Variants in MRPS6 observed in about 807,000 individuals in gnomAD.
MRPS6 encodes the protein small ribosomal subunit protein bS6m.
MRPS6 carries 6 observed loss-of-function variants against 13.1 expected under a neutral mutation model. That is an observed-to-expected ratio of 0.46 (90% CI 0.25 to 0.91). The LOEUF is 0.91. Among genes scored for constraint, MRPS6 ranks in the 40% least tolerant of loss-of-function variants. MRPS6 has a pLI of 0.18. For synonymous variants in MRPS6, 61 were observed against 56.5 expected (o/e 1.08, Z -0.36); for missense variants, 164 against 155.6 (o/e 1.05, Z -0.29).
At chr21:34,103,828 A>C in intron 1 of MRPS6, 1 of 1,000,194 alleles carries the variant, frequency 1.0e-6, no homozygotes, top group Non-Finnish European at 1.2e-6. Context: ...AAGAATGCCA[A>C]AATTATATTT....
intron 1 of MRPS6, among the ~76,000 whole-genome samples, chr21:34,114,630 T>C (rs1979832031): frequency 6.6e-6 from 1 of 152,188 alleles, no homozygotes; most frequent in Admixed American, 6.5e-5. Context: ...ATTTCTGCCC[T>C]TTTCCTTTGA....
At chr21:34,107,063 C>G (rs1341226543) in intron 1 of MRPS6, among the ~76,000 whole-genome samples, 2 of 152,152 alleles carry the variant, frequency 1.3e-5, no homozygotes, top group African/African-American at 4.8e-5. Context: ...TCTTGGGTAA[C>G]TGGGATTACA....
chr21:34,104,506 T>A (rs1602940350), intron 1 of MRPS6: 3 of 998,352 alleles, frequency 3.0e-6, no homozygotes, highest in African/African-American at 3.5e-5. Context: ...TTTATATAAT[T>A]ATCCTTTTAG....
At chr21:34,132,572 T>A (rs538988899) in intron 2 of MRPS6, among the ~76,000 whole-genome samples, 1 of 152,266 alleles carries the variant, frequency 6.6e-6, no homozygotes, top group East Asian at 1.9e-4. Context: ...TTTCCAGGTC[T>A]TTAACTAGGT....
At chr21:34,130,107 A>C (rs1980449635) in intron 2 of MRPS6, among the ~76,000 whole-genome samples, 1 of 149,190 alleles carries the variant, frequency 6.7e-6, no homozygotes, top group African/African-American at 2.4e-5. Context: ...AAGCCCTCCC[A>C]TCCCCCTCCC....
chr21:34,128,208 A>G (rs908551575), intron 2 of MRPS6, among the ~76,000 whole-genome samples: 2 of 152,176 alleles, frequency 1.3e-5, no homozygotes, highest in African/African-American at 4.8e-5. Flanking sequence ...TGGCTGCATA[A>G]TGCTAACCTA....
In MRPS6 at chr21:34,076,123, G is replaced by GT. The variant is rs563818048; in HGVS notation, c.45+2380dup. On this transcript the variant is annotated intron_variant, in intron 1 of 2. Coordinates refer to ENST00000399312, the MANE Select transcript of MRPS6 (RefSeq NM_032476.4). ...ATCTTGGAATTGAGGAAAATGCTGTGTTAGGCAACTTTAACAGCGGATATG... is the reference window on the plus strand; with the variant it reads ...ATCTTGGAATTGAGGAAAATGCTGTGTTTAGGCAACTTTAACAGCGGATATG... Among the ~76,000 whole-genome samples, 4 of 152,262 alleles carry GT rather than the reference G, an allele frequency of 2.6e-5. No individual in the cohort carries two copies. In the South Asian group the frequency reaches 8.3e-4, roughly 32 times the overall value.
intron 1 of MRPS6, among the ~76,000 whole-genome samples, chr21:34,119,632 A>G (rs1467334441): frequency 2.0e-5 from 3 of 152,054 alleles, no homozygotes; most frequent in Non-Finnish European, 4.4e-5. Context: ...TGTGGATTCT[A>G]TGTGTGCTTT....
intron 2 of MRPS6, among the ~76,000 whole-genome samples, chr21:34,132,503 G>A (rs1174450628): frequency 1.3e-5 from 2 of 152,272 alleles, no homozygotes; most frequent in Non-Finnish European, 2.9e-5. Flanking sequence ...GTGAAGGCAA[G>A]AGAGGGGTTT....
chr21:34,095,002 T>G, intron 1 of MRPS6: 1 of 625,322 alleles, frequency 1.6e-6, no homozygotes. Flanking sequence ...AGCGGAAAAT[T>G]TAAACTGTCT....
At chr21:34,138,120 C>T (rs1980772447) in intron 2 of MRPS6, among the ~76,000 whole-genome samples, 1 of 149,848 alleles carries the variant, frequency 6.7e-6, no homozygotes. Flanking sequence ...TGAGATGTGT[C>T]TTCCTTTTTT....
intron 2 of MRPS6, chr21:34,135,655 G>T: frequency 2.6e-6 from 1 of 380,756 alleles, no homozygotes; most frequent in Non-Finnish European, 5.2e-6. Flanking sequence ...CACAGTCCCT[G>T]CTCACCCAAA....
At chr21:34,084,959 A>G (rs1989538311) in intron 1 of MRPS6, among the ~76,000 whole-genome samples, 1 of 152,194 alleles carries the variant, frequency 6.6e-6, no homozygotes, top group South Asian at 2.1e-4. Flanking sequence ...AGTTGCAGAC[A>G]TCTTGACATA....
chr21:34,125,476 G>A lies in MRPS6; in HGVS notation c.181G>A (p.Gly61Ser), dbSNP rs976748513. 1 of 1,613,128 alleles carries A rather than the reference G, an allele frequency of 6.2e-7. No homozygotes were observed. The highest frequency in any genetic ancestry group is 1.3e-5 in the African/African-American group (1 of 74,812). The part of the protein sequence containing the change: ...ISAHSQQHNR[G>S]GYFLVDFYAP... ...TGCCCACAGTCAGCAGCACAACAGA[G>A]GCGGGTAAGTTTCTTCATGAAGTCT... is the stretch of plus-strand genomic sequence containing the variant. The change falls in exon 2 of 3, where the codon GGC becomes AGC. Residue 61 changes from glycine to serine, a missense_variant. Coordinates refer to ENST00000399312, the MANE Select transcript of MRPS6 (RefSeq NM_032476.4).
chr21:34,082,917 G>A (rs1989491880), intron 1 of MRPS6, among the ~76,000 whole-genome samples: 1 of 152,112 alleles, frequency 6.6e-6, no homozygotes. Flanking sequence ...TCCACTTTGG[G>A]CATACCTCAG....
intron 2 of MRPS6, among the ~76,000 whole-genome samples, chr21:34,135,274 A>T (rs1171772895): frequency 6.6e-6 from 1 of 150,724 alleles, no homozygotes; most frequent in Non-Finnish European, 1.5e-5. Flanking sequence ...TAGCAGTGGA[A>T]TGGCTAGATC....
chr21:34,095,352 G>C, intron 1 of MRPS6: 2 of 1,614,130 alleles, frequency 1.2e-6, no homozygotes, highest in South Asian at 1.1e-5. Flanking sequence ...GGTAGCAATT[G>C]GTGCCTCTCT....
intron 1 of MRPS6, chr21:34,099,550 C>T (rs1263600358): frequency 2.0e-6 from 2 of 999,774 alleles, no homozygotes; most frequent in African/African-American, 1.7e-5. Context: ...GACATATTGG[C>T]TGGGCAGCCT....
chr21:34,096,825 A>G lies in MRPS6; in HGVS notation c.45+23080A>G. ...ACCTCCCACAAAGGAACAGATTCGA[A>G]CCACCACCTTTTGGTCTAAGAAGAA... On this transcript the variant is annotated intron_variant, in intron 1 of 2. Transcript: ENST00000399312. This position sits in a 1 kb window ranked among gnomAD's most constrained non-coding sequence, Gnocchi z 5.9. 1.2e-6 allele frequency: 2 copies of G among 1,614,074 alleles called. No homozygotes were observed. The highest frequency in any genetic ancestry group is 8.5e-7 in the Non-Finnish European group (1 of 1,179,996).
Sources: allele counts gnomAD v4.1 joint callset (sites outside exome capture counted in the v4.1 genomes callset), GRCh38; gene constraint gnomAD v4.1.1; non-coding constraint Gnocchi (gnomAD v3.1); transcripts MANE v1.5; gene names NCBI Gene and HGNC (gene_info 2026-07-23, HGNC 2026-07-21).